The following ZNF280D variants were observed in gnomAD, a reference collection of about 807,000 sequenced individuals.
ZNF280D encodes the protein zinc finger protein 280D.
A neutral mutation model predicts 94.7 loss-of-function variants in ZNF280D; 39 were observed. That is an observed-to-expected ratio of 0.41 (90% CI 0.32 to 0.54). The LOEUF (loss-of-function observed/expected upper bound fraction) is 0.54. Ranked by LOEUF, ZNF280D falls within the 20% of genes least tolerant of loss-of-function variation. The pLI is 0.22. For missense variants in ZNF280D, 1,090 were observed against 1,149.3 expected, an observed-to-expected ratio of 0.95 and a Z score of 0.75; for synonymous variants, 398 against 377.6, an observed-to-expected ratio of 1.05 and a Z score of -0.63.
intron 1 of ZNF280D, chr15:56,730,044 T>C (rs141296289): frequency 1.3e-5 from 2 of 152,308 alleles, no homozygotes; most frequent in East Asian, 1.9e-4. Flanking sequence ...TTTACTCCTA[T>C]AAATTATACA....
chr15:56,714,482 A>G (rs1419951944), intron 1 of ZNF280D, among the ~76,000 whole-genome samples: 3 of 152,218 alleles, frequency 2.0e-5, no homozygotes, highest in Admixed American at 2.0e-4. Flanking sequence ...AAAAGACTAT[A>G]TATTTGAGAA....
chr15:56,727,417 C>G (rs1037816093), intron 1 of ZNF280D, among the ~76,000 whole-genome samples: 11 of 152,128 alleles, frequency 7.2e-5, no homozygotes, highest in South Asian at 4.1e-4. Context: ...TGAGATCACG[C>G]CATTGCATTC....
At chr15:56,654,306 A>G in intron 18 of ZNF280D, 72 bp from the exon 19 acceptor site, 4 of 1,599,114 alleles carry the variant, frequency 2.5e-6, no homozygotes, top group Non-Finnish European at 3.4e-6. Flanking sequence ...ATGATTTAGT[A>G]AAGAGACCAT....
chr15:56,700,453 C>T (rs2056994737), intron 6 of ZNF280D: 1 of 876,488 alleles, frequency 1.1e-6, no homozygotes, highest in Admixed American at 5.4e-5. Context: ...TTAACTATTA[C>T]CATTTTCTAT....
chr15:56,692,152 T>C (rs570902140), intron 7 of ZNF280D, among the ~76,000 whole-genome samples: 1 of 152,092 alleles, frequency 6.6e-6, no homozygotes, highest in Non-Finnish European at 1.5e-5. Context: ...AAGACAACTA[T>C]TTTTTTCTCC....
intron 3 of ZNF280D, among the ~76,000 whole-genome samples, chr15:56,704,898 G>A (rs1182432857): frequency 1.3e-5 from 2 of 151,952 alleles, no homozygotes; most frequent in African/African-American, 2.4e-5. Context: ...CAGGAGAATC[G>A]CTTGAATCTA....
At chr15:56,699,970 C>T (rs116847046) in intron 6 of ZNF280D, 1,713 of 156,036 alleles carry the variant, frequency 0.011, 19 homozygotes, top group Non-Finnish European at 0.016. Context: ...TACCTTGATT[C>T]ACACTAAGGC....
chr15:56,724,401 G>T (rs74924869), intron 1 of ZNF280D, among the ~76,000 whole-genome samples: 2 of 152,198 alleles, frequency 1.3e-5, no homozygotes, highest in Admixed American at 6.5e-5. Flanking sequence ...GTGAGGTGCA[G>T]AACAGGTCAA....
chr15:56,669,935 ATT>A (rs1566960550), intron 13 of ZNF280D, among the ~76,000 whole-genome samples: 2 of 8,738 alleles, frequency 2.3e-4, no homozygotes, highest in African/African-American at 8.1e-4. Flanking sequence ...TTATATATAT[ATT>A]ATATATATAT....
rs769053873 is a variant in ZNF280D, at chr15:56,701,063, G to C, written c.251C>G (p.Ala84Gly). The change falls in exon 6 of 22, where the codon GCT (alanine) becomes GGT (glycine). Residue 84 changes from alanine (A) to glycine (G), a missense_variant. Around this residue, in one of 3 missense-constraint regions of ZNF280D, gnomAD observed 386 missense variants for 372.0 expected, o/e 1.04. Transcript: ENST00000267807. ...GTGTTGACTTGTAGGCTTGAATGCAGCAGTAATACCTGTATTTTAAAGTAA... is the reference window on the plus strand; with the variant it reads ...GTGTTGACTTGTAGGCTTGAATGCACCAGTAATACCTGTATTTTAAAGTAA... ...KNGALSRGIT[A>G]AFKPTSQHYT... The C allele has an allele frequency of 6.2e-7, 1 of 1,613,644 alleles. No individual in the cohort carries two copies. Among genetic ancestry groups the C allele is most frequent in the Admixed American group, 1.7e-5 (1 of 59,980 alleles).
At chr15:56,633,616 G>A (rs1340742089) in intron 21 of ZNF280D, among the ~76,000 whole-genome samples, 1 of 151,584 alleles carries the variant, frequency 6.6e-6, no homozygotes, top group Non-Finnish European at 1.5e-5. Context: ...TCAGCCTCCC[G>A]AATAGCTGGG....
At chr15:56,652,186 G>C (rs903199427) in intron 19 of ZNF280D, among the ~76,000 whole-genome samples, 5 of 152,068 alleles carry the variant, frequency 3.3e-5, no homozygotes, top group African/African-American at 1.2e-4. Context: ...ATAATTAATT[G>C]CAAGAAACAC....
chr15:56,725,722 A>G (rs1694137438), intron 1 of ZNF280D, among the ~76,000 whole-genome samples: 1 of 152,184 alleles, frequency 6.6e-6, no homozygotes, highest in African/African-American at 2.4e-5. Context: ...AAAGAAAGCT[A>G]AATTACTATG....
chr15:56,668,185 A>G, intron 14 of ZNF280D: 1 of 454,874 alleles, frequency 2.2e-6, no homozygotes, highest in South Asian at 1.6e-5. Context: ...GGGATTATTC[A>G]CTTTGGATTA....
At chr15:56,666,596 G>T in intron 15 of ZNF280D, 61 bp from the exon 16 acceptor site, 1 of 1,519,000 alleles carries the variant, frequency 6.6e-7, no homozygotes. Context: ...ATAAGGAAGA[G>T]CCTTAATAAT....
At chr15:56,710,537 T>C (rs2057702619) in intron 1 of ZNF280D, among the ~76,000 whole-genome samples, 1 of 152,178 alleles carries the variant, frequency 6.6e-6, no homozygotes, top group Admixed American at 6.5e-5. Flanking sequence ...GAATTCCAAG[T>C]AACTGACTTA....
intron 16 of ZNF280D, among the ~76,000 whole-genome samples, chr15:56,663,496 T>A (rs977880177): frequency 2.6e-5 from 4 of 151,922 alleles, no homozygotes; most frequent in Admixed American, 6.6e-5. Context: ...AACCTCAAAC[T>A]TCTAACAAGA....
chr15:56,700,516 G>GT (rs758468605), intron 6 of ZNF280D: 409 of 1,004,796 alleles, frequency 4.1e-4, no homozygotes, highest in East Asian at 2.1e-3. Flanking sequence ...AAAAATGTTT[G>GT]TTTTTTTTTA....
In ZNF280D at chr15:56,699,392, T is replaced by C. The variant is rs922763220; in HGVS notation, c.381+1541A>G. On this transcript the variant is annotated intron_variant, in intron 6 of 21. Transcript: ENST00000267807. ...ATAACTAACTTTATTATTCCTAAAA[T>C]ATAAATAAAAAATAATGCACATTTT... The C allele has an allele frequency of 4.4e-6, 4 of 906,322 alleles. No individual in the cohort carries two copies. In the African/African-American group the frequency reaches 7.2e-5, roughly 16 times the overall value. 56.1% of individuals were successfully genotyped at this position (906,322 alleles called of 1,614,324 possible). A position where few individuals can be genotyped will look rare whatever the true frequency, so the allele number is the denominator to read the frequency against.
Sources: allele counts gnomAD v4.1 joint callset (sites outside exome capture counted in the v4.1 genomes callset), GRCh38; gene constraint gnomAD v4.1.1; regional missense constraint gnomAD v4.1.1; transcripts MANE v1.5; gene names NCBI Gene and HGNC (gene_info 2026-07-23, HGNC 2026-07-21).